Variants in SYNPR observed in about 807,000 individuals in gnomAD.
The protein encoded by SYNPR is synaptoporin.
Under a neutral mutation model 32.9 loss-of-function variants are expected in SYNPR, and 23 were observed. The ratio of observed to expected loss-of-function variants is 0.70; its 90% CI spans 0.50 to 0.99. SYNPR has a LOEUF of 0.99. SYNPR is among the 50% of genes least tolerant of loss of function. The pLI, the probability that SYNPR is intolerant of heterozygous loss-of-function variation, is 0.00. For missense variants in SYNPR, 318 were observed against 349.3 expected, an observed-to-expected ratio of 0.91 and a Z score of 0.71; for synonymous variants, 146 against 135.9, an observed-to-expected ratio of 1.07 and a Z score of -0.52.
At chr3:63,318,243 CT>C (rs1575596661) in intron 2 of SYNPR, among the ~76,000 whole-genome samples, 1 of 151,946 alleles carries the variant, frequency 6.6e-6, no homozygotes, top group East Asian at 1.9e-4. Flanking sequence ...AGGCAAAGAT[CT>C]TTTTGCGATG....
intron 2 of SYNPR, among the ~76,000 whole-genome samples, chr3:63,405,596 G>A (rs1434525056): frequency 6.6e-6 from 1 of 152,070 alleles, no homozygotes; most frequent in African/African-American, 2.4e-5. Flanking sequence ...ACAGTAGAAA[G>A]CAGATGAAAG....
chr3:63,393,190 T>C (rs1316205061), intron 2 of SYNPR, among the ~76,000 whole-genome samples: 1 of 152,214 alleles, frequency 6.6e-6, no homozygotes, highest in Non-Finnish European at 1.5e-5. Context: ...CCAAAACTTA[T>C]TTTCTCTCTT....
chr3:63,360,449 T>G (rs1293182696), intron 2 of SYNPR, among the ~76,000 whole-genome samples: 1 of 152,232 alleles, frequency 6.6e-6, no homozygotes, highest in Admixed American at 6.5e-5. Context: ...GCCAGAGGAA[T>G]TATTTCAAAA....
At chr3:63,369,914 A>T (rs141154274) in intron 2 of SYNPR, among the ~76,000 whole-genome samples, 186 of 152,304 alleles carry the variant, frequency 1.2e-3, no homozygotes, top group African/African-American at 4.4e-3. Context: ...TCACCTAAGG[A>T]ATCCAAAGAT....
chr3:63,363,599 C>T (rs1235418439), intron 2 of SYNPR, among the ~76,000 whole-genome samples: 1 of 152,152 alleles, frequency 6.6e-6, no homozygotes, highest in Non-Finnish European at 1.5e-5. Flanking sequence ...AGGCAAGTCA[C>T]TAAACATCTC....
chr3:63,467,190 T>A (rs1035175641), intron 2 of SYNPR, among the ~76,000 whole-genome samples: 16 of 152,190 alleles, frequency 1.1e-4, no homozygotes, highest in East Asian at 5.8e-4. Context: ...TACTTTATTT[T>A]ATTTAATTTA....
At chr3:63,606,459 G>A (rs1231701646) in intron 4 of SYNPR, among the ~76,000 whole-genome samples, 2 of 77,486 alleles carry the variant, frequency 2.6e-5, no homozygotes, top group South Asian at 4.5e-4. Context: ...ATCTCATCCT[G>A]TTGCCCAGGC....
intron 3 of SYNPR, among the ~76,000 whole-genome samples, chr3:63,522,731 A>G (rs1417214079): frequency 2.4e-4 from 1 of 4,200 alleles, no homozygotes; most frequent in African/African-American, 3.2e-3. Context: ...CCTGAGAGTC[A>G]ACCAAGCATC....
chr3:63,375,588 G>C (rs1037514270), intron 2 of SYNPR, among the ~76,000 whole-genome samples: 1 of 152,106 alleles, frequency 6.6e-6, no homozygotes, highest in East Asian at 1.9e-4. Flanking sequence ...GGGGCTGGGG[G>C]AGGGATAGCA....
chr3:63,530,827 C>T (rs777404996), intron 3 of SYNPR, among the ~76,000 whole-genome samples: 12 of 152,124 alleles, frequency 7.9e-5, no homozygotes, highest in Admixed American at 2.0e-4. Flanking sequence ...AGAAACTAGA[C>T]ATGTAGTCAG....
chr3:63,468,491 G>GCACA (rs10663212), intron 2 of SYNPR, among the ~76,000 whole-genome samples: 25,269 of 148,558 alleles, frequency 0.17, 2,110 homozygotes, highest in Middle Eastern at 0.22. Context: ...TACCTGCAAA[G>GCACA]CACACACACA....
At chr3:63,520,966 A>G (rs1477990251) in intron 3 of SYNPR, among the ~76,000 whole-genome samples, 1 of 152,146 alleles carries the variant, frequency 6.6e-6, no homozygotes, top group African/African-American at 2.4e-5. Context: ...ATTTGTGTCC[A>G]TTTGTGTGGA....
At chr3:63,329,314 C>A (rs1222486791) in intron 2 of SYNPR, among the ~76,000 whole-genome samples, 2 of 151,884 alleles carry the variant, frequency 1.3e-5, no homozygotes, top group Non-Finnish European at 2.9e-5. Flanking sequence ...TCTTCTTAGC[C>A]CTATTTTACG....
At chr3:63,459,682 C>G (rs933369761) in intron 2 of SYNPR, among the ~76,000 whole-genome samples, 1 of 152,026 alleles carries the variant, frequency 6.6e-6, no homozygotes, top group African/African-American at 2.4e-5. Context: ...GATGATTTTT[C>G]CTATCATTTT....
Position 63,445,649 on chromosome 3 carries a change from A to C in SYNPR, c.85-35183A>C, listed in dbSNP as rs1362991865. ...CTTATCCCCTTTAATCTTGACAAGC[A>C]CTCTATGAGGGCCATAACATTACCT... is the stretch of plus-strand genomic sequence containing the variant. On this transcript the variant is annotated intron_variant, in intron 2 of 5. Coordinates refer to ENST00000478300, the MANE Select transcript of SYNPR (RefSeq NM_001130003.2). 3 of 616,036 alleles carry C rather than the reference A, an allele frequency of 4.9e-6. No individual in the cohort carries two copies. In the African/African-American group the frequency reaches 5.5e-5, roughly 11 times the overall value. 38.2% of individuals were successfully genotyped at this position (616,036 alleles called of 1,614,324 possible). A position where few individuals can be genotyped will look rare whatever the true frequency, so the allele number is the denominator to read the frequency against.
chr3:63,222,958 A>G, the SYNPR span, among the ~76,000 whole-genome samples: 1 of 152,216 alleles, frequency 6.6e-6, no homozygotes, highest in East Asian at 1.9e-4. Context: ...ATAAAAATGT[A>G]TATCTCAATT....
intron 2 of SYNPR, among the ~76,000 whole-genome samples, chr3:63,338,493 C>T (rs1223682729): frequency 1.3e-5 from 2 of 152,152 alleles, no homozygotes; most frequent in Non-Finnish European, 2.9e-5. Flanking sequence ...AATCTGACTG[C>T]CTTTGGATTC....
At chr3:63,315,110 C>A (rs2087026800) in intron 2 of SYNPR, among the ~76,000 whole-genome samples, 1 of 152,004 alleles carries the variant, frequency 6.6e-6, no homozygotes, top group Admixed American at 6.6e-5. Context: ...ATTTTTATCC[C>A]AGTACCATGC....
chr3:63,347,153 T>C (rs1166277937), intron 2 of SYNPR, among the ~76,000 whole-genome samples: 2 of 152,220 alleles, frequency 1.3e-5, no homozygotes, highest in Non-Finnish European at 2.9e-5. Flanking sequence ...TCAATTATTT[T>C]AAAAGTTTCT....
Sources: allele counts gnomAD v4.1 joint callset (sites outside exome capture counted in the v4.1 genomes callset), GRCh38; gene constraint gnomAD v4.1.1; transcripts MANE v1.5; gene names NCBI Gene and HGNC (gene_info 2026-07-23, HGNC 2026-07-21).